Variants in CLEC16A observed in about 807,000 individuals in gnomAD.
CLEC16A encodes C-type lectin domain containing 16A, also known as protein CLEC16A.
CLEC16A carries 51 observed loss-of-function variants against 109.5 expected under a neutral mutation model. The ratio of observed to expected loss-of-function variants is 0.47; its 90% CI spans 0.37 to 0.59. CLEC16A has a LOEUF of 0.59. CLEC16A is among the 20% of genes least tolerant of loss of function. The pLI is 0.00. For synonymous variants in CLEC16A, 673 were observed against 564.2 expected, an observed-to-expected ratio of 1.19 and a Z score of -2.73; for missense variants, 1,339 against 1,394.0, an observed-to-expected ratio of 0.96 and a Z score of 0.63.
At chr16:11,142,513 C>T (rs1211812618) in intron 22 of CLEC16A, among the ~76,000 whole-genome samples, 1 of 152,362 alleles carries the variant, frequency 6.6e-6, no homozygotes, top group South Asian at 2.1e-4. Flanking sequence ...CTGCTTTTCA[C>T]AGCCCCGGCT....
intron 19 of CLEC16A, among the ~76,000 whole-genome samples, chr16:11,117,249 C>G (rs1345992799): frequency 6.6e-6 from 1 of 152,150 alleles, no homozygotes; most frequent in East Asian, 1.9e-4. Context: ...TACTAAAACT[C>G]AAACCGTATA....
chr16:11,177,061 G>A (rs535089877), intron 23 of CLEC16A, among the ~76,000 whole-genome samples: 7 of 152,210 alleles, frequency 4.6e-5, no homozygotes, highest in African/African-American at 1.7e-4. Flanking sequence ...GTCCCAGGCT[G>A]CTGTCAGACT....
chr16:11,157,059 A>G lies in CLEC16A; in HGVS notation c.2642-9329A>G, dbSNP rs763755649. On this transcript the variant is annotated intron_variant, in intron 22 of 23. Coordinates refer to ENST00000409790, the MANE Select transcript of CLEC16A (RefSeq NM_015226.3). ...AGAGAAAGCAAGATACTGAAAGACC[A>G]TTTTTTCTTTTCTGCAGGTTTTCAA... 16 of 1,302,392 alleles carry G rather than the reference A, an allele frequency of 1.2e-5. No individual in the cohort carries two copies. The South Asian group carries it at 1.7e-4, about 14-fold the overall frequency. 80.7% of individuals were successfully genotyped at this position (1,302,392 alleles called of 1,614,324 possible). A position where few individuals can be genotyped will look rare whatever the true frequency, so the allele number is the denominator to read the frequency against.
At chr16:10,964,072 C>CT (rs2042383585) in intron 3 of CLEC16A, among the ~76,000 whole-genome samples, 1 of 152,256 alleles carries the variant, frequency 6.6e-6, no homozygotes, top group Non-Finnish European at 1.5e-5. Context: ...GAGGCAGGCT[C>CT]TAAGTCCCCA....
intron 22 of CLEC16A, among the ~76,000 whole-genome samples, chr16:11,139,310 C>G (rs528488009): frequency 6.6e-6 from 1 of 152,236 alleles, no homozygotes; most frequent in Non-Finnish European, 1.5e-5. Flanking sequence ...CCTGGCACCT[C>G]TGCTGAGGTT....
At chr16:11,029,668 G>A (rs951151203) in intron 13 of CLEC16A, among the ~76,000 whole-genome samples, 10 of 152,112 alleles carry the variant, frequency 6.6e-5, no homozygotes, top group African/African-American at 2.4e-4. Context: ...TTTCTAAGTT[G>A]CCTGAATTAG....
chr16:11,035,190 C>A (rs1191488775), intron 13 of CLEC16A, among the ~76,000 whole-genome samples: 3 of 152,200 alleles, frequency 2.0e-5, no homozygotes, highest in Non-Finnish European at 4.4e-5. Flanking sequence ...GATAGTACCA[C>A]CTTAAAATAA....
chr16:10,948,069 A>AT lies in CLEC16A; in HGVS notation c.80+3277dup, dbSNP rs564259651. ...CCACCACGCCCAGCTAATTTTTTGT[A>AT]TTTTTAGTAGAGACGGGGTTTCACC... On this transcript the variant is annotated intron_variant, in intron 1 of 23. Transcript: ENST00000409790. Among the ~76,000 whole-genome samples the AT allele has an allele frequency of 1.6e-4, 25 of 151,972 alleles. No homozygotes were observed. In the East Asian group the frequency reaches 4.7e-3, roughly 28 times the overall value.
At chr16:11,025,885 T>C (rs2046379027) in intron 13 of CLEC16A, among the ~76,000 whole-genome samples, 2 of 152,218 alleles carry the variant, frequency 1.3e-5, no homozygotes, top group African/African-American at 2.4e-5. Flanking sequence ...GTTTCTCTTG[T>C]GTCTTTTTAA....
At chr16:11,114,139 G>GTGTGTGTGTGTC (rs1255211099) in intron 19 of CLEC16A, among the ~76,000 whole-genome samples, 1 of 116,354 alleles carries the variant, frequency 8.6e-6, no homozygotes, top group Non-Finnish European at 1.9e-5. Flanking sequence ...GTGTGTGTGT[G>GTGTGTGTGTGTC]TGTGTGTGTG....
At chr16:11,017,446 A>G (rs1296276286) in intron 11 of CLEC16A, among the ~76,000 whole-genome samples, 2 of 152,224 alleles carry the variant, frequency 1.3e-5, no homozygotes, top group African/African-American at 2.4e-5. Context: ...GGGAGGAAGG[A>G]CAAATCTCCT....
At chr16:11,078,862 A>G (rs1006747491) in intron 19 of CLEC16A, among the ~76,000 whole-genome samples, 2 of 152,122 alleles carry the variant, frequency 1.3e-5, no homozygotes, top group African/African-American at 4.8e-5. Flanking sequence ...GGCCTGTGGT[A>G]TTTAAGCTGT....
chr16:10,971,532 T>A, intron 5 of CLEC16A: 4 of 983,522 alleles, frequency 4.1e-6, no homozygotes, highest in Non-Finnish European at 4.8e-6. Context: ...AGCAAAGTTG[T>A]CTTTTTAATG....
intron 23 of CLEC16A, among the ~76,000 whole-genome samples, chr16:11,173,904 G>A (rs903076522): frequency 5.9e-5 from 9 of 152,130 alleles, no homozygotes; most frequent in African/African-American, 9.7e-5. Flanking sequence ...TAAGTTGCAC[G>A]AGTGAACAAT....
intron 19 of CLEC16A, among the ~76,000 whole-genome samples, chr16:11,119,995 A>G (rs548742936): frequency 5.7e-5 from 8 of 141,488 alleles, no homozygotes; most frequent in African/African-American, 1.9e-4. Context: ...TTTGAGACGG[A>G]GTTTTGCTCT....
At chr16:11,046,090 A>G (rs2047620804) in intron 16 of CLEC16A, among the ~76,000 whole-genome samples, 1 of 152,084 alleles carries the variant, frequency 6.6e-6, no homozygotes, top group African/African-American at 2.4e-5. Context: ...GAAAGCAGAA[A>G]CCTCAGGGTT....
At chr16:10,964,234 C>G (rs976999310) in intron 3 of CLEC16A, among the ~76,000 whole-genome samples, 1 of 152,222 alleles carries the variant, frequency 6.6e-6, no homozygotes, top group Non-Finnish European at 1.5e-5. Context: ...CTTATGCTTC[C>G]CGGTGACCGC....
chr16:11,140,676 C>T lies in CLEC16A; in HGVS notation c.2641+14530C>T, dbSNP rs142863732. On this transcript the variant is annotated intron_variant, in intron 22 of 23. Transcript: ENST00000409790. Reference sequence around the variant, plus strand: ...CACCTGAAAGGCTTGCTCAAGCTGCCGGACTTGAGCAGCTTGAAAGCCACC... The same window carrying T: ...CACCTGAAAGGCTTGCTCAAGCTGCTGGACTTGAGCAGCTTGAAAGCCACC... Among the ~76,000 whole-genome samples, 107 of 152,302 alleles carry T rather than the reference C, an allele frequency of 7.0e-4. No homozygotes were observed. In the Middle Eastern group the frequency reaches 0.01, roughly 15 times the overall value.
intron 11 of CLEC16A, among the ~76,000 whole-genome samples, chr16:11,015,012 C>G (rs1040609486): frequency 7.9e-5 from 12 of 152,256 alleles, no homozygotes; most frequent in African/African-American, 2.9e-4. Context: ...CTGCTACCAA[C>G]TGGTCCCATG....
Sources: gnomAD v4.1 joint callset for allele counts (sites outside exome capture counted in the v4.1 genomes callset) on GRCh38, gnomAD v4.1.1 for gene constraint, MANE v1.5 for transcripts, NCBI Gene and HGNC (gene_info 2026-07-23, HGNC 2026-07-21) for gene names.